The following TRIM33 variants were observed in gnomAD, a reference collection of about 807,000 sequenced individuals.
TRIM33 encodes tripartite motif containing 33.
TRIM33 carries 20 observed loss-of-function variants against 125.4 expected under a neutral mutation model. The ratio of observed to expected loss-of-function variants is 0.16; its 90% CI spans 0.11 to 0.23. TRIM33 has a LOEUF of 0.23. Ranked by LOEUF, TRIM33 falls within the 10% of genes least tolerant of loss-of-function variation. TRIM33 has a pLI of 1.00. For missense variants in TRIM33, 920 were observed against 1,411.4 expected, an observed-to-expected ratio of 0.65 and a Z score of 5.58; for synonymous variants, 564 against 513.9, an observed-to-expected ratio of 1.10 and a Z score of -1.32.
chr1:114,407,326 T>G (rs774532000), intron 13 of TRIM33, among the ~76,000 whole-genome samples: 2 of 152,134 alleles, frequency 1.3e-5, no homozygotes, highest in African/African-American at 2.4e-5. Context: ...ACACATTTTA[T>G]GGTTTGAAGC....
At chr1:114,436,597 T>A (rs1648322653) in intron 4 of TRIM33, among the ~76,000 whole-genome samples, 1 of 151,978 alleles carries the variant, frequency 6.6e-6, no homozygotes, top group Admixed American at 6.6e-5. Context: ...CCCGAGTAGC[T>A]GGGACTACAG....
chr1:114,446,529 A>C (rs760427052), intron 4 of TRIM33, among the ~76,000 whole-genome samples: 3 of 152,216 alleles, frequency 2.0e-5, no homozygotes, highest in African/African-American at 7.2e-5. Flanking sequence ...TTAAAATTGC[A>C]TATCACTATC....
intron 1 of TRIM33, among the ~76,000 whole-genome samples, chr1:114,488,504 C>T (rs1305364139): frequency 6.6e-6 from 1 of 152,152 alleles, no homozygotes; most frequent in African/African-American, 2.4e-5. Context: ...TGGCTCACAC[C>T]TGTAATCCTA....
chr1:114,466,286 G>A (rs1403431797), intron 1 of TRIM33, among the ~76,000 whole-genome samples: 1 of 152,150 alleles, frequency 6.6e-6, no homozygotes, highest in African/African-American at 2.4e-5. Context: ...GAGTAAATCA[G>A]TTAAATTTTC....
chr1:114,419,205 A>G (rs1653122256), intron 11 of TRIM33, among the ~76,000 whole-genome samples: 1 of 138,926 alleles, frequency 7.2e-6, no homozygotes, highest in Admixed American at 6.9e-5. Flanking sequence ...CATCTCAAAA[A>G]AAAAAAAAAA....
At chr1:114,480,476 TA>T (rs61241613) in intron 1 of TRIM33, among the ~76,000 whole-genome samples, 340 of 77,844 alleles carry the variant, frequency 4.4e-3, no homozygotes, top group Middle Eastern at 0.011. Flanking sequence ...ATGATCAATT[TA>T]AAAAAAAAAA....
chr1:114,406,189 T>C (rs1652221791), intron 14 of TRIM33, among the ~76,000 whole-genome samples: 1 of 152,164 alleles, frequency 6.6e-6, no homozygotes, highest in African/African-American at 2.4e-5. Context: ...TAAAAGAAAT[T>C]GTTCACCAAC....
Position 114,510,953 on chromosome 1 carries a change from G to A in TRIM33, c.124C>T (p.Leu42=), listed in dbSNP as rs1316801000. The change falls in exon 1 of 20, where the codon CTG becomes TTG. Residue 42 remains leucine (L), a synonymous_variant. Transcript: ENST00000358465. ...CCTTCCTCCTCCTCCTCCTCCACCA[G>A]CACCGCGGTGAGAGGCGGCTCCGCC... The part of the protein sequence containing the change: ...QEAEPPLTAV[L]VEEEEEEGGR... 7.9e-6 allele frequency: 11 copies of A among 1,393,822 alleles called. No homozygotes were observed. Among genetic ancestry groups the A allele is most frequent in the Non-Finnish European group, 1.0e-5 (11 of 1,074,806 alleles). 86.3% of individuals were successfully genotyped at this position (1,393,822 alleles called of 1,614,324 possible).
At position 114,511,189 on chromosome 1, in the gene TRIM33, G is replaced by T; in HGVS notation, c.-113C>A. ...CAGCAAGAGCGGCAGCCGAGAGCTA[G>T]CGAGAGAGCGAACCAACGAGAGCGC... On this transcript the variant is annotated 5_prime_UTR_variant, in exon 1 of 20. Transcript: ENST00000358465. 1.0e-6 allele frequency: 1 copy of T among 982,836 alleles called. No individual in the cohort carries two copies. The highest frequency in any genetic ancestry group is 1.2e-6 in the Non-Finnish European group (1 of 814,950). 60.9% of individuals were successfully genotyped at this position (982,836 alleles called of 1,614,324 possible).
chr1:114,507,445 T>C (rs1017715142), intron 1 of TRIM33, among the ~76,000 whole-genome samples: 1 of 152,240 alleles, frequency 6.6e-6, no homozygotes, highest in Non-Finnish European at 1.5e-5. Flanking sequence ...GAGGGCATTA[T>C]ACTCATCATT....
intron 4 of TRIM33, among the ~76,000 whole-genome samples, chr1:114,459,280 G>A (rs919340766): frequency 1.3e-5 from 2 of 152,032 alleles, no homozygotes; most frequent in Admixed American, 6.6e-5. Context: ...GATCACAAAC[G>A]ATCAACAATT....
Position 114,397,537 on chromosome 1 carries a change from C to T in TRIM33, c.*111G>A, listed in dbSNP as rs1651601970. On this transcript the variant is annotated 3_prime_UTR_variant, in exon 20 of 20. Coordinates refer to ENST00000358465, the MANE Select transcript of TRIM33 (RefSeq NM_015906.4). ...CTATCAGCTTCTTCAAGGAGGTGCC[C>T]ACTGTAGGCAGGATATTCCAGCAAC... The T allele has an allele frequency of 1.4e-6, 1 of 728,936 alleles. No individual in the cohort carries two copies. The highest frequency in any genetic ancestry group is 2.6e-5 in the East Asian group (1 of 37,768). The allele number at this position is 728,936 out of a possible 1,614,324, so 45.2% of individuals were successfully genotyped here.
At chr1:114,407,174 TA>T in intron 13 of TRIM33, 74 bp from the exon 14 acceptor site, 1 of 1,274,860 alleles carries the variant, frequency 7.8e-7, no homozygotes. Context: ...ATATGAAAAG[TA>T]ATGTTCACTA....
intron 18 of TRIM33, 111 bp downstream of exon 18, chr1:114,399,346 G>A (rs1651736449): frequency 2.0e-6 from 2 of 977,958 alleles, no homozygotes; most frequent in South Asian, 1.8e-5. Context: ...CTTTTGACAG[G>A]ACTTTAGCAG....
At chr1:114,454,291 T>A (rs969217061) in intron 4 of TRIM33, among the ~76,000 whole-genome samples, 5 of 152,152 alleles carry the variant, frequency 3.3e-5, no homozygotes, top group African/African-American at 1.2e-4. Context: ...TAACTGCAGC[T>A]GCAGTTACTA....
At chr1:114,406,664 C>A (rs569119526) in intron 14 of TRIM33, among the ~76,000 whole-genome samples, 87 of 152,234 alleles carry the variant, frequency 5.7e-4, no homozygotes, top group African/African-American at 1.9e-3. Flanking sequence ...GGACAAGATA[C>A]AATCTGATTT....
intron 11 of TRIM33, among the ~76,000 whole-genome samples, chr1:114,421,225 A>G (rs1026694054): frequency 6.6e-6 from 1 of 152,182 alleles, no homozygotes; most frequent in Non-Finnish European, 1.5e-5. Context: ...TGGAGGCTAG[A>G]GGAGAGGGTA....
chr1:114,469,611 T>C (rs1004260566), intron 1 of TRIM33, among the ~76,000 whole-genome samples: 1 of 152,296 alleles, frequency 6.6e-6, no homozygotes, highest in Non-Finnish European at 1.5e-5. Context: ...GAAAGCAATA[T>C]GTATTTGCCA....
intron 4 of TRIM33, among the ~76,000 whole-genome samples, chr1:114,445,830 A>G (rs2101270756): frequency 6.6e-6 from 1 of 152,108 alleles, no homozygotes; most frequent in South Asian, 2.1e-4. Context: ...AGAATTCTAG[A>G]GCAAATTATC....
Sources: gnomAD v4.1 joint callset for allele counts (sites outside exome capture counted in the v4.1 genomes callset) on GRCh38, gnomAD v4.1.1 for gene constraint, MANE v1.5 for transcripts, NCBI Gene and HGNC (gene_info 2026-07-23, HGNC 2026-07-21) for gene names.